ZNF521: variants seen among roughly 807,000 people sequenced by gnomAD.
ZNF521 encodes LYST-interacting protein 3.
A neutral mutation model predicts 105.5 loss-of-function variants in ZNF521; 14 were observed. The ratio of observed to expected loss-of-function variants is 0.13; its 90% CI spans 0.09 to 0.21. The LOEUF is 0.21. Ranked by LOEUF, ZNF521 falls within the 10% of genes least tolerant of loss-of-function variation. The probability of loss-of-function intolerance (pLI) is 1.00; values close to 1 mark genes in which losing one functional copy is unlikely to be tolerated. For synonymous variants in ZNF521, 635 were observed against 606.0 expected (o/e 1.05, Z -0.70); for missense variants, 1,233 against 1,629.7 (o/e 0.76, Z 4.19).
At chr18:25,290,956 T>C (rs1910982875) in intron 3 of ZNF521, among the ~76,000 whole-genome samples, 1 of 152,202 alleles carries the variant, frequency 6.6e-6, no homozygotes, top group Non-Finnish European at 1.5e-5. Context: ...CTCCATTTTA[T>C]GATACCCAAA....
rs529750388 is a variant in ZNF521 at position 25,338,090 on chromosome 18, C to G, written c.40+12817G>C. On this transcript the variant is annotated intron_variant, in intron 2 of 7. Transcript: ENST00000361524. ...TAGCTCCCTGGGTACATTACCCCAG[C>G]TAGCTATACTCACTGTCTCTGTCTA... Among the ~76,000 whole-genome samples, 31 of 152,284 alleles carry G rather than the reference C, an allele frequency of 2.0e-4. 1 individual carries two copies. In the South Asian group the frequency reaches 4.1e-3, roughly 20 times the overall value.
At chr18:25,253,485 A>C (rs1217789212) in intron 3 of ZNF521, among the ~76,000 whole-genome samples, 1 of 152,166 alleles carries the variant, frequency 6.6e-6, no homozygotes, top group Non-Finnish European at 1.5e-5. Flanking sequence ...TTTACCTTCT[A>C]TGTAGCAAAC....
At chr18:25,221,500 G>A (rs987090546) in intron 4 of ZNF521, among the ~76,000 whole-genome samples, 3 of 152,074 alleles carry the variant, frequency 2.0e-5, no homozygotes, top group Non-Finnish European at 2.9e-5. Context: ...CCTTGTTCTT[G>A]ACCATACCTA....
intron 5 of ZNF521, among the ~76,000 whole-genome samples, chr18:25,147,913 G>A (rs1434311810): frequency 2.0e-5 from 3 of 152,050 alleles, no homozygotes; most frequent in East Asian, 3.9e-4. Flanking sequence ...TGTCCTGACC[G>A]AACACCATGC....
At chr18:25,203,817 T>G (rs1380856090) in intron 4 of ZNF521, among the ~76,000 whole-genome samples, 1 of 152,228 alleles carries the variant, frequency 6.6e-6, no homozygotes, top group East Asian at 1.9e-4. Flanking sequence ...AATATTTATT[T>G]AAGTATATGA....
At chr18:25,254,296 A>G (rs1038200106) in intron 3 of ZNF521, among the ~76,000 whole-genome samples, 15 of 152,134 alleles carry the variant, frequency 9.9e-5, no homozygotes, top group African/African-American at 3.6e-4. Flanking sequence ...TCTTACAGGT[A>G]GAAGCATGTA....
In ZNF521 at chr18:25,092,027, G is replaced by C; in HGVS notation, c.3713C>G (p.Ala1238Gly). The C allele has an allele frequency of 6.2e-7, 1 of 1,613,980 alleles. No individual in the cohort carries two copies. Among genetic ancestry groups the C allele is most frequent in the Non-Finnish European group, 8.5e-7 (1 of 1,179,904 alleles). The change falls in exon 6 of 8, where the codon GCC becomes GGC. Residue 1238 changes from alanine (A) to glycine (G), a missense_variant. This residue lies in a region of ZNF521 where 76 missense variants were observed against 137.2 expected (regional missense o/e 0.55). Transcript: ENST00000361524. The stretch of plus-strand genomic sequence containing the variant: ...CTCTATCAGGTGGCACTGGAGTTTG[G>C]CAGGAGAGTCAAAGGTCTGGCTGCA... ...KLCSQTFDSP[A>G]KLQCHLIEHS... is the part of the protein sequence containing the mutation.
At chr18:25,321,061 C>T (rs1912910994) in intron 3 of ZNF521, among the ~76,000 whole-genome samples, 1 of 152,188 alleles carries the variant, frequency 6.6e-6, no homozygotes, top group Non-Finnish European at 1.5e-5. Context: ...GGAAAACAGT[C>T]AGAGAACCAC....
chr18:25,192,690 CA>C (rs35255872), intron 5 of ZNF521, among the ~76,000 whole-genome samples: 118 of 128,432 alleles, frequency 9.2e-4, no homozygotes, highest in Admixed American at 4.9e-3. Context: ...TTTGATTAGA[CA>C]AAAAAAAAAA....
chr18:25,286,625 A>C (rs1488973826), intron 3 of ZNF521, among the ~76,000 whole-genome samples: 1 of 152,246 alleles, frequency 6.6e-6, no homozygotes, highest in Non-Finnish European at 1.5e-5. Context: ...CATAGACTAT[A>C]TATCTCTCAG....
chr18:25,316,381 G>A (rs952649855), intron 3 of ZNF521, among the ~76,000 whole-genome samples: 17 of 122,064 alleles, frequency 1.4e-4, no homozygotes, highest in African/African-American at 4.9e-4. Flanking sequence ...AAAAAAAAAT[G>A]TATATATAAA....
intron 2 of ZNF521, among the ~76,000 whole-genome samples, chr18:25,330,769 A>G (rs2145174591): frequency 6.6e-6 from 1 of 152,324 alleles, no homozygotes; most frequent in East Asian, 1.9e-4. Context: ...TACTTTTAAT[A>G]ACATAAAACC....
chr18:25,062,536 T>C lies in ZNF521; in HGVS notation c.*176A>G, dbSNP rs140331366. 2.4e-4 allele frequency: 184 copies of C among 775,508 alleles called. No individual in the cohort carries two copies. The African/African-American group carries it at 3.0e-3, about 13-fold the overall frequency. 48.0% of individuals were successfully genotyped at this position (775,508 alleles called of 1,614,324 possible). On this transcript the variant is annotated 3_prime_UTR_variant, in exon 8 of 8. Transcript: ENST00000361524. ...CAACACTTTATATACAAGGGGTCTA[T>C]CCGGTGCGCAAAAGTTCAAACACAT...
chr18:25,168,280 C>G (rs1016254995), intron 5 of ZNF521, among the ~76,000 whole-genome samples: 5 of 152,182 alleles, frequency 3.3e-5, no homozygotes, highest in African/African-American at 9.7e-5. Context: ...CCAGCTGGTA[C>G]TTGGAAGAGA....
In ZNF521 at chr18:25,225,609, T is replaced by C; in HGVS notation, c.2309A>G (p.His770Arg). Residue 770 changes from histidine (H) to arginine (R), a missense_variant, in exon 4 of 8, where the codon CAT becomes CGT. By Grantham distance (29) the His-to-Arg change is conservative. Coordinates refer to ENST00000361524, the MANE Select transcript of ZNF521 (RefSeq NM_015461.3). This position sits in a 1 kb window ranked among gnomAD's most constrained non-coding sequence, Gnocchi z 5.6. ...GTTTTCCAGGTGGTTGTGTTTCACA[T>C]GGAGCTGCAAGTCAGTTTCGTTGCG... ...DFRNETDLQLHVKHNHLENQG... is the reference protein window; with the variant it reads ...DFRNETDLQLRVKHNHLENQG... 1.2e-6 allele frequency: 2 copies of C among 1,614,208 alleles called. No homozygotes were observed. The highest frequency in any genetic ancestry group is 1.7e-6 in the Non-Finnish European group (2 of 1,180,038).
chr18:25,248,306 A>G (rs1047398943), intron 3 of ZNF521, among the ~76,000 whole-genome samples: 4 of 152,338 alleles, frequency 2.6e-5, no homozygotes, highest in Middle Eastern at 3.4e-3. Context: ...TTATACACCA[A>G]TGGAGCTTTA....
rs751018901 is a variant in ZNF521, at chr18:25,227,515, G to A, written c.403C>T (p.His135Tyr). The change falls in exon 4 of 8, where the codon CAC (histidine) becomes TAC (tyrosine). Residue 135 changes from histidine (H) to tyrosine (Y), a missense_variant. Coordinates refer to ENST00000361524, the MANE Select transcript of ZNF521 (RefSeq NM_015461.3). This position sits in a 1 kb window ranked among gnomAD's most constrained non-coding sequence, Gnocchi z 5.7. ...TTGTCACTGTGACTCTGCTCATGGT[G>A]CTTTAGGTAGCTGAGGCGGCTAAAC... ...KSFSRLSYLK[H>Y]HEQSHSDKLP... is the part of the protein sequence containing the mutation. 6.2e-7 allele frequency: 1 copy of A among 1,614,150 alleles called. No individual in the cohort carries two copies. The highest frequency in any genetic ancestry group is 8.5e-7 in the Non-Finnish European group (1 of 1,180,018).
chr18:25,262,116 G>A (rs970901723), intron 3 of ZNF521, among the ~76,000 whole-genome samples: 3 of 152,034 alleles, frequency 2.0e-5, no homozygotes, highest in Admixed American at 6.5e-5. Context: ...AATCACTTAC[G>A]TCCCTTTATC....
rs1196273194 is a variant in ZNF521 at position 25,189,406 on chromosome 18, T to C, written c.3658+5754A>G. Reference sequence around the variant, plus strand: ...TACCATGAATTCTGTTTTCAGTTACTGTCTGCAAATTCCCTCTCTGAACAA... The same window carrying C: ...TACCATGAATTCTGTTTTCAGTTACCGTCTGCAAATTCCCTCTCTGAACAA... On this transcript the variant is annotated intron_variant, in intron 5 of 7. Transcript: ENST00000361524. Among the ~76,000 whole-genome samples the C allele has an allele frequency of 2.0e-5, 3 of 152,256 alleles. No individual in the cohort carries two copies. The East Asian group carries it at 5.8e-4, about 29-fold the overall frequency.
Sources: gnomAD v4.1 joint callset for allele counts (sites outside exome capture counted in the v4.1 genomes callset) on GRCh38, gnomAD v4.1.1 for gene constraint, gnomAD v4.1.1 regional missense constraint, Gnocchi (gnomAD v3.1) non-coding constraint, MANE v1.5 for transcripts, NCBI Gene and HGNC (gene_info 2026-07-23, HGNC 2026-07-21) for gene names.